Variants in EIF4A3 observed in about 807,000 individuals in gnomAD.
The protein encoded by EIF4A3 is eukaryotic initiation factor 4A-III.
EIF4A3 carries 1 observed loss-of-function variant against 55.6 expected under a neutral mutation model. That is an observed-to-expected ratio of 0.02 (90% confidence interval 0.01 to 0.09). EIF4A3 has a LOEUF of 0.09. EIF4A3 is among the 10% of genes least tolerant of loss of function. The probability of loss-of-function intolerance (pLI) is 1.00; values close to 1 mark genes in which losing one functional copy is unlikely to be tolerated. For synonymous variants in EIF4A3, 194 were observed against 196.3 expected, an observed-to-expected ratio of 0.99 and a Z score of 0.10; for missense variants, 221 against 540.7, an observed-to-expected ratio of 0.41 and a Z score of 5.86.
chr17:80,138,842 AT>A, intron 7 of EIF4A3, 178 bp downstream of exon 7: 2 of 794,334 alleles, frequency 2.5e-6, no homozygotes, highest in Non-Finnish European at 3.9e-6. Context: ...TTTTAAAAGA[AT>A]TTGCATGCTT....
chr17:80,141,879 GAGGGAGGAC>G (rs772220825), intron 2 of EIF4A3, 31 bp from the exon 3 acceptor site: 1 of 1,604,610 alleles, frequency 6.2e-7, no homozygotes, highest in Non-Finnish European at 8.5e-7. Context: ...AGTGGGATTA[GAGGGAGGAC>G]AGGCCACGCC....
At chr17:80,145,787 T>A (rs1007478808) in intron 1 of EIF4A3, among the ~76,000 whole-genome samples, 1 of 152,074 alleles carries the variant, frequency 6.6e-6, no homozygotes, top group Admixed American at 6.6e-5. Context: ...GCCAAATGTT[T>A]GCAGCATCAA....
At chr17:80,146,634 G>C (rs967377240) in intron 1 of EIF4A3, among the ~76,000 whole-genome samples, 159 bp downstream of exon 1, 1 of 152,170 alleles carries the variant, frequency 6.6e-6, no homozygotes, top group Non-Finnish European at 1.5e-5. Flanking sequence ...GCGAGGACGG[G>C]GGTGGGGGTG....
At chr17:80,137,534 CTAGTA>C in intron 8 of EIF4A3, 33 bp from the exon 9 acceptor site, 2 of 1,567,188 alleles carry the variant, frequency 1.3e-6, no homozygotes, top group Non-Finnish European at 1.8e-6. Flanking sequence ...CTACTGCAAG[CTAGTA>C]TACCAAAGCA....
intron 4 of EIF4A3, among the ~76,000 whole-genome samples, chr17:80,140,906 C>T (rs1412202742): frequency 6.6e-6 from 1 of 151,948 alleles, no homozygotes; most frequent in Non-Finnish European, 1.5e-5. Context: ...AAGTGATTCT[C>T]CTGCTCAGCC....
intron 2 of EIF4A3, among the ~76,000 whole-genome samples, chr17:80,142,093 A>G (rs546895227): frequency 6.6e-6 from 1 of 152,342 alleles, no homozygotes; most frequent in East Asian, 1.9e-4. Flanking sequence ...CTCTAACTTC[A>G]AGAGGTGTTT....
At chr17:80,137,310 T>C in intron 9 of EIF4A3, 76 bp downstream of exon 9, 1 of 1,325,786 alleles carries the variant, frequency 7.5e-7, no homozygotes, top group East Asian at 2.5e-5. Flanking sequence ...GGGCCTGCAC[T>C]TAGGCGGTAC....
intron 1 of EIF4A3, 23 bp downstream of exon 1, chr17:80,146,770 C>CCCCGCGG (rs779737749): frequency 1.3e-6 from 2 of 1,599,920 alleles, no homozygotes; most frequent in East Asian, 4.5e-5. Flanking sequence ...CCCGGCTGGC[C>CCCCGCGG]CCCGCGGCCC....
chr17:80,138,774 T>G, intron 7 of EIF4A3: 1 of 459,668 alleles, frequency 2.2e-6, no homozygotes. Flanking sequence ...TTTTTTATTA[T>G]TGGTAGAGAT....
At position 80,135,079 on chromosome 17, in the gene EIF4A3, G is replaced by A; in HGVS notation, c.*411C>T. On this transcript the variant is annotated 3_prime_UTR_variant, in exon 12 of 12. Transcript: ENST00000649764. ...AGGTAGGAGAATGGCATGAACCCAG[G>A]AAGTGGAGCTTGCGGTGAGAGGAGA... 1 of 156,866 alleles carries A rather than the reference G, an allele frequency of 6.4e-6. No homozygotes were observed. The highest frequency in any genetic ancestry group is 1.4e-5 in the Non-Finnish European group (1 of 71,402). The allele number at this position is 156,866 out of a possible 1,614,324, so 9.7% of individuals were successfully genotyped here.
chr17:80,143,593 G>A (rs962852038), intron 2 of EIF4A3, among the ~76,000 whole-genome samples: 1 of 152,208 alleles, frequency 6.6e-6, no homozygotes, highest in Non-Finnish European at 1.5e-5. Flanking sequence ...GTGGTGGTGT[G>A]AGAGCAGAGG....
chr17:80,144,509 T>TAA (rs139730121), intron 1 of EIF4A3, among the ~76,000 whole-genome samples: 1 of 144,306 alleles, frequency 6.9e-6, no homozygotes, highest in Non-Finnish European at 1.5e-5. Context: ...CAGTTTTGTT[T>TAA]AAAAAAAAAA....
Position 80,135,184 on chromosome 17 carries a change from A to G in EIF4A3, c.*306T>C. 3.2e-6 allele frequency: 1 copy of G among 314,972 alleles called. No individual in the cohort carries two copies. The highest frequency in any genetic ancestry group is 5.8e-6 in the Non-Finnish European group (1 of 173,620). 19.5% of individuals were successfully genotyped at this position (314,972 alleles called of 1,614,324 possible). ...AAAGAAAAAGAAAAGAAAAAAAGAA[A>G]AGTGAGTGAAATGACCCAAGACTAC... On this transcript the variant is annotated 3_prime_UTR_variant, in exon 12 of 12. Coordinates refer to ENST00000649764, the MANE Select transcript of EIF4A3 (RefSeq NM_014740.4).
chr17:80,144,937 T>C (rs1006121785), intron 1 of EIF4A3, among the ~76,000 whole-genome samples: 1 of 152,238 alleles, frequency 6.6e-6, no homozygotes, highest in Non-Finnish European at 1.5e-5. Flanking sequence ...AATAAAATTT[T>C]ATGTACAAAA....
chr17:80,142,601 C>T (rs899286625), intron 2 of EIF4A3, among the ~76,000 whole-genome samples: 1 of 152,128 alleles, frequency 6.6e-6, no homozygotes, highest in African/African-American at 2.4e-5. Context: ...AAAAACTAAC[C>T]AGGAACGGTG....
chr17:80,139,193 G>A (rs376084901), intron 6 of EIF4A3, 31 bp from the exon 7 acceptor site: 1 of 1,610,890 alleles, frequency 6.2e-7, no homozygotes, highest in African/African-American at 1.3e-5. Context: ...GGTGAGGGAT[G>A]TTTAGGGCGG....
chr17:80,140,338 G>C, intron 4 of EIF4A3, 198 bp from the exon 5 acceptor site: 1 of 602,876 alleles, frequency 1.7e-6, no homozygotes, highest in Non-Finnish European at 2.5e-6. Flanking sequence ...TTTTGAGACG[G>C]AGTCTCACTC....
intron 4 of EIF4A3, 163 bp from the exon 5 acceptor site, chr17:80,140,303 G>C: frequency 1.2e-5 from 8 of 657,496 alleles, no homozygotes; most frequent in Non-Finnish European, 1.3e-5. Flanking sequence ...ACAAAAACAA[G>C]TTAATTTTGC....
chr17:80,142,284 T>C (rs1394158610), intron 2 of EIF4A3, among the ~76,000 whole-genome samples: 2 of 152,212 alleles, frequency 1.3e-5, no homozygotes. Context: ...TATGGCTATA[T>C]ACAAGTTTTC....
Sources: allele counts gnomAD v4.1 joint callset (sites outside exome capture counted in the v4.1 genomes callset), GRCh38; gene constraint gnomAD v4.1.1; transcripts MANE v1.5; gene names NCBI Gene and HGNC (gene_info 2026-07-23, HGNC 2026-07-21).